KCNJ4: variants seen among roughly 807,000 people sequenced by gnomAD.
The protein encoded by KCNJ4 is inward rectifier potassium channel 4.
A neutral mutation model predicts 25.6 loss-of-function variants in KCNJ4; 3 were observed. The observed-to-expected ratio is 0.12, with a 90% CI of 0.05 to 0.30. KCNJ4 has a LOEUF of 0.30. Ranked by LOEUF, KCNJ4 falls within the 10% of genes least tolerant of loss-of-function variation. The probability of loss-of-function intolerance (pLI) is 1.00; values close to 1 mark genes in which losing one functional copy is unlikely to be tolerated. For missense variants in KCNJ4, 286 were observed against 666.8 expected, an observed-to-expected ratio of 0.43 and a Z score of 6.29; for synonymous variants, 257 against 283.9, an observed-to-expected ratio of 0.91 and a Z score of 0.95.
Position 38,443,009 on chromosome 22 carries a change from T to C in KCNJ4, c.-40+11971A>G, listed in dbSNP as rs964914386. Among the ~76,000 whole-genome samples, 8 of 152,138 alleles carry C rather than the reference T, an allele frequency of 5.3e-5. No homozygotes were observed. The highest frequency in any genetic ancestry group is 1.4e-4 in the African/African-American group (6 of 41,422). ...CCTCCTGTCTCAGCCTCTCACAGTG[T>C]TGGCATGAGCCACCGTGCCCGGCCT... On this transcript the variant is annotated intron_variant, in intron 1 of 1. Transcript: ENST00000303592. This position sits in a 1 kb window ranked among gnomAD's most constrained non-coding sequence, Gnocchi z 4.1.
At position 38,443,300 on chromosome 22, in the gene KCNJ4, A is replaced by G. The variant is rs2089350249; in HGVS notation, c.-40+11680T>C. ...ATCCCACCTCCCTTCTCTTCTCCCCAGTCCTGTGATCTCATCCAGTCCTGT... is the reference window on the plus strand; with the variant it reads ...ATCCCACCTCCCTTCTCTTCTCCCCGGTCCTGTGATCTCATCCAGTCCTGT... On this transcript the variant is annotated intron_variant, in intron 1 of 1. Transcript: ENST00000303592. This position sits in a 1 kb window ranked among gnomAD's most constrained non-coding sequence, Gnocchi z 4.1. Among the ~76,000 whole-genome samples the G allele has an allele frequency of 6.6e-6, 1 of 151,974 alleles. No individual in the cohort carries two copies.
chr22:38,431,107 G>T (rs925014135), intron 1 of KCNJ4, among the ~76,000 whole-genome samples: 7 of 152,234 alleles, frequency 4.6e-5, no homozygotes, highest in African/African-American at 1.7e-4. Flanking sequence ...AACGGGTGAG[G>T]TCACTGAGCT....
At chr22:38,428,681 A>G (rs2093040260) in intron 1 of KCNJ4, among the ~76,000 whole-genome samples, 1 of 151,892 alleles carries the variant, frequency 6.6e-6, no homozygotes, top group African/African-American at 2.4e-5. Context: ...ACGAAATAAA[A>G]TATTAACTGC....
At chr22:38,452,224 C>T (rs530620038) in intron 1 of KCNJ4, among the ~76,000 whole-genome samples, 8 of 152,288 alleles carry the variant, frequency 5.3e-5, no homozygotes, top group South Asian at 2.1e-4. Context: ...AGTGGCCAGC[C>T]GTTCTCTATA....
At chr22:38,430,717 T>A (rs952683370) in intron 1 of KCNJ4, among the ~76,000 whole-genome samples, 1 of 151,738 alleles carries the variant, frequency 6.6e-6, no homozygotes, top group Non-Finnish European at 1.5e-5. Flanking sequence ...GTAAATAGAG[T>A]TTTCAGGGAG....
intron 1 of KCNJ4, among the ~76,000 whole-genome samples, chr22:38,438,740 G>A (rs551483008): frequency 1.4e-3 from 211 of 152,110 alleles, no homozygotes; most frequent in Non-Finnish European, 2.4e-3. Flanking sequence ...TACTCCAAAA[G>A]TCTGAGTCTG....
chr22:38,454,506 G>T (rs907997961), intron 1 of KCNJ4, among the ~76,000 whole-genome samples: 1 of 152,184 alleles, frequency 6.6e-6, no homozygotes, highest in Non-Finnish European at 1.5e-5. Context: ...GCGCCCTGGG[G>T]TCGTGTGGCG....
Position 38,428,179 on chromosome 22 carries a change from G to A in KCNJ4, c.-39-8C>T, listed in dbSNP as rs1306521427. On this transcript the variant is annotated splice_polypyrimidine_tract_variant and splice_region_variant and intron_variant, in intron 1 of 1. Coordinates refer to ENST00000303592, the MANE Select transcript of KCNJ4 (RefSeq NM_152868.3). ...CCTGGGAAGACGCAGGGCCTGCGGA[G>A]GAGAAGCCGGACAGGTGAGATGCTG... The A allele has an allele frequency of 1.3e-6, 2 of 1,565,326 alleles. No individual in the cohort carries two copies. Among genetic ancestry groups the A allele is most frequent in the African/African-American group, 2.7e-5 (2 of 74,182 alleles).
rs746649111 is a variant in KCNJ4, at chr22:38,443,716, C to T, written c.-40+11264G>A. ...CGGGTGAACCTCGGGGCCCCGGACACGTCCCCTCACCTAGTCATCCACCCC... is the reference window on the plus strand; with the variant it reads ...CGGGTGAACCTCGGGGCCCCGGACATGTCCCCTCACCTAGTCATCCACCCC... On this transcript the variant is annotated intron_variant, in intron 1 of 1. Coordinates refer to ENST00000303592, the MANE Select transcript of KCNJ4 (RefSeq NM_152868.3). This position sits in a 1 kb window ranked among gnomAD's most constrained non-coding sequence, Gnocchi z 4.1. 5.3e-5 allele frequency among the ~76,000 whole-genome samples: 8 copies of T among 152,132 alleles called. No individual in the cohort carries two copies. Among genetic ancestry groups the T allele is most frequent in the Admixed American group, 1.3e-4 (2 of 15,276 alleles).
chr22:38,437,081 C>A (rs2093067556), intron 1 of KCNJ4, among the ~76,000 whole-genome samples: 1 of 152,220 alleles, frequency 6.6e-6, no homozygotes, highest in East Asian at 1.9e-4. Context: ...CGCTGGAGAC[C>A]AAGCTTTGGG....
Position 38,426,922 on chromosome 22 carries a change from T to G in KCNJ4, c.1211A>C (p.Glu404Ala). The part of the protein sequence containing the change: ...AAAVAAGLGL[E>A]AGSKEEAGII... Reference sequence around the variant, plus strand: ...GCCCGCCTCCTCCTTGGAACCCGCCTCCAGGCCCAGGCCTGCGGCCACCGC... The same window carrying G: ...GCCCGCCTCCTCCTTGGAACCCGCCGCCAGGCCCAGGCCTGCGGCCACCGC... Residue 404 changes from glutamate (E) to alanine (A), a missense_variant, in exon 2 of 2, where the codon GAG (glutamate) becomes GCG (alanine). Around this residue, in one of 11 missense-constraint regions of KCNJ4, gnomAD observed 77 missense variants for 97.6 expected, o/e 0.79. Transcript: ENST00000303592. 6.2e-7 allele frequency: 1 copy of G among 1,612,706 alleles called. No homozygotes were observed. The highest frequency in any genetic ancestry group is 8.5e-7 in the Non-Finnish European group (1 of 1,179,858).
intron 1 of KCNJ4, among the ~76,000 whole-genome samples, chr22:38,448,711 C>G (rs550126783): frequency 2.2e-4 from 34 of 152,314 alleles, no homozygotes; most frequent in African/African-American, 7.5e-4. Context: ...GCCACCATTG[C>G]TGAGTGACCC....
intron 1 of KCNJ4, among the ~76,000 whole-genome samples, chr22:38,436,661 G>A (rs553959598): frequency 2.6e-4 from 39 of 152,300 alleles, no homozygotes; most frequent in Admixed American, 2.3e-3. Context: ...GCAGCCCTCT[G>A]ACATCGCAAA....
Position 38,428,144 on chromosome 22 carries a change from G to A in KCNJ4, c.-12C>T, listed in dbSNP as rs753864730. On this transcript the variant is annotated 5_prime_UTR_variant, in exon 2 of 2. Coordinates refer to ENST00000303592, the MANE Select transcript of KCNJ4 (RefSeq NM_152868.3). ...CTGTGTCCGTGCATGTCCTGAAGCC[G>A]GCGTGGTCACCTGGGAAGACGCAGG... 15 of 1,599,622 alleles carry A rather than the reference G, an allele frequency of 9.4e-6. No individual in the cohort carries two copies. Among genetic ancestry groups the A allele is most frequent in the South Asian group, 2.2e-5 (2 of 89,818 alleles).
intron 1 of KCNJ4, among the ~76,000 whole-genome samples, chr22:38,445,669 G>A (rs901443493): frequency 1.3e-5 from 2 of 152,138 alleles, no homozygotes; most frequent in African/African-American, 4.8e-5. Context: ...AAGTAAGAGC[G>A]TCACAAAATA....
chr22:38,446,345 G>A (rs2089374741), intron 1 of KCNJ4, among the ~76,000 whole-genome samples: 1 of 152,214 alleles, frequency 6.6e-6, no homozygotes. Flanking sequence ...TGTCTGTTGG[G>A]GGCAGCCTTG....
At chr22:38,430,503 G>GA (rs943409945) in intron 1 of KCNJ4, among the ~76,000 whole-genome samples, 8 of 150,574 alleles carry the variant, frequency 5.3e-5, no homozygotes, top group African/African-American at 1.7e-4. Context: ...ACTTCGTCTC[G>GA]AAAAAAAAAG....
intron 1 of KCNJ4, among the ~76,000 whole-genome samples, chr22:38,428,637 A>G (rs1327029088): frequency 1.3e-5 from 2 of 152,116 alleles, no homozygotes; most frequent in Admixed American, 1.3e-4. Flanking sequence ...TGCACTAGCC[A>G]CTGGCCACGT....
chr22:38,454,270 C>A (rs2089425501), intron 1 of KCNJ4, among the ~76,000 whole-genome samples: 1 of 152,166 alleles, frequency 6.6e-6, no homozygotes, highest in South Asian at 2.1e-4. Flanking sequence ...CATCCTGAAG[C>A]AGGGACACTG....
Sources: gnomAD v4.1 joint callset for allele counts (sites outside exome capture counted in the v4.1 genomes callset) on GRCh38, gnomAD v4.1.1 for gene constraint, gnomAD v4.1.1 regional missense constraint, Gnocchi (gnomAD v3.1) non-coding constraint, MANE v1.5 for transcripts, NCBI Gene and HGNC (gene_info 2026-07-23, HGNC 2026-07-21) for gene names.